GXYLT2: variants seen among roughly 807,000 people sequenced by gnomAD.
The protein encoded by GXYLT2 is glucoside xylosyltransferase 2.
GXYLT2 carries 53 observed loss-of-function variants against 45.8 expected under a neutral mutation model. That is an observed-to-expected ratio of 1.16 (90% confidence interval 0.93 to 1.46). GXYLT2 has a LOEUF of 1.46. GXYLT2 is among the 40% of genes most tolerant of loss of function. GXYLT2 has a pLI of 0.00. For synonymous variants in GXYLT2, 219 were observed against 214.2 expected, an observed-to-expected ratio of 1.02 and a Z score of -0.19; for missense variants, 551 against 544.4, an observed-to-expected ratio of 1.01 and a Z score of -0.12.
intron 4 of GXYLT2, 99 bp from the exon 5 acceptor site, chr3:72,957,127 CCCT>C (rs1304872294): frequency 8.2e-7 from 1 of 1,219,368 alleles, no homozygotes; most frequent in African/African-American, 1.5e-5. Flanking sequence ...GTATTTGTTT[CCCT>C]CCTCTGAAGG....
chr3:72,969,361 C>G (rs1364764441), intron 6 of GXYLT2, among the ~76,000 whole-genome samples: 2 of 150,500 alleles, frequency 1.3e-5, no homozygotes, highest in African/African-American at 4.9e-5. Context: ...CCACTTCACT[C>G]CAGCTTGGGC....
At chr3:72,890,006 G>A (rs1211207806) in intron 1 of GXYLT2, among the ~76,000 whole-genome samples, 1 of 150,838 alleles carries the variant, frequency 6.6e-6, no homozygotes, top group Non-Finnish European at 1.5e-5. Context: ...CCCGGGTTCA[G>A]GCCTCCCAGA....
chr3:72,924,941 A>G (rs1278211892), intron 3 of GXYLT2, among the ~76,000 whole-genome samples: 2 of 151,972 alleles, frequency 1.3e-5, no homozygotes, highest in African/African-American at 4.8e-5. Context: ...GGGTCAAATG[A>G]GTTTAATTTG....
intron 1 of GXYLT2, among the ~76,000 whole-genome samples, chr3:72,889,747 A>G (rs1329367398): frequency 1.3e-5 from 2 of 152,308 alleles, no homozygotes; most frequent in Middle Eastern, 3.4e-3. Flanking sequence ...AACTGGTAAG[A>G]TAATAATAAC....
chr3:72,905,124 C>T (rs1383534221), intron 1 of GXYLT2, among the ~76,000 whole-genome samples: 1 of 149,334 alleles, frequency 6.7e-6, no homozygotes, highest in Non-Finnish European at 1.5e-5. Context: ...CACTGTCCTG[C>T]ATTTGTTTTC....
intron 2 of GXYLT2, among the ~76,000 whole-genome samples, chr3:72,921,181 A>AT (rs1709827882): frequency 1.3e-5 from 2 of 149,442 alleles, no homozygotes; most frequent in African/African-American, 4.9e-5. Flanking sequence ...TGAAGAAATA[A>AT]AAAAAAAAAA....
intron 3 of GXYLT2, among the ~76,000 whole-genome samples, chr3:72,944,529 A>G (rs1710367242): frequency 6.6e-6 from 1 of 152,122 alleles, no homozygotes. Context: ...TGCTGGGAGT[A>G]CACCGCACCC....
intron 1 of GXYLT2, among the ~76,000 whole-genome samples, chr3:72,898,699 G>T (rs775074437): frequency 6.6e-6 from 1 of 152,032 alleles, no homozygotes; most frequent in Non-Finnish European, 1.5e-5. Flanking sequence ...CTTGCGTAGG[G>T]GCTTCATCTG....
At chr3:72,917,852 A>G (rs1480042262) in intron 2 of GXYLT2, among the ~76,000 whole-genome samples, 1 of 152,120 alleles carries the variant, frequency 6.6e-6, no homozygotes, top group Non-Finnish European at 1.5e-5. Flanking sequence ...AAAAAAACCC[A>G]TTACACTAAT....
At position 72,941,618 on chromosome 3, in the gene GXYLT2, C is replaced by T. The variant is rs142691718; in HGVS notation, c.601-13480C>T. On this transcript the variant is annotated intron_variant, in intron 3 of 6. Coordinates refer to ENST00000389617, the MANE Select transcript of GXYLT2 (RefSeq NM_001080393.2). ...CCTAGTAATCTAAGCTCAGAATTCT[C>T]TTTGCCTTTAACAAATTATTTCTCA... is the stretch of plus-strand genomic sequence containing the variant. Among the ~76,000 whole-genome samples, 158 of 152,234 alleles carry T rather than the reference C, an allele frequency of 1.0e-3. 2 individuals carry two copies. The highest frequency in any genetic ancestry group is 3.7e-3 in the African/African-American group (154 of 41,544).
intron 2 of GXYLT2, among the ~76,000 whole-genome samples, chr3:72,910,697 C>A (rs114193697): frequency 6.6e-6 from 1 of 152,170 alleles, no homozygotes; most frequent in Non-Finnish European, 1.5e-5. Context: ...ATCTGTAGTT[C>A]GTGGGATGCC....
chr3:72,919,849 T>C (rs947915010), intron 2 of GXYLT2, among the ~76,000 whole-genome samples: 5 of 152,216 alleles, frequency 3.3e-5, no homozygotes, highest in Non-Finnish European at 7.3e-5. Context: ...TTCTGTATAC[T>C]GTAATGATAG....
At chr3:72,972,548 G>A (rs1711006818) in intron 6 of GXYLT2, among the ~76,000 whole-genome samples, 1 of 150,598 alleles carries the variant, frequency 6.6e-6, no homozygotes, top group African/African-American at 2.5e-5. Context: ...GGCTGAGGCA[G>A]GAGAATTTCT....
At chr3:72,935,696 G>A (rs1329674338) in intron 3 of GXYLT2, among the ~76,000 whole-genome samples, 2 of 152,132 alleles carry the variant, frequency 1.3e-5, no homozygotes, top group East Asian at 1.9e-4. Flanking sequence ...CCAAAATATT[G>A]GAGCAATACC....
At chr3:72,937,793 C>T (rs200802963) in intron 3 of GXYLT2, among the ~76,000 whole-genome samples, 2 of 152,306 alleles carry the variant, frequency 1.3e-5, no homozygotes, top group African/African-American at 4.8e-5. Flanking sequence ...AGAAATAGAA[C>T]ATATGTCTTT....
rs1399184235 is a variant in GXYLT2, at chr3:72,896,234, G to A, written c.275+7726G>A. 5.3e-5 allele frequency among the ~76,000 whole-genome samples: 8 copies of A among 152,282 alleles called. No homozygotes were observed. In the East Asian group the frequency reaches 1.2e-3, roughly 22 times the overall value. ...ACAATGCAGGTAAAGTGCTGACACCGAACATGCCACACCAGAAACTCCCAG... is the reference window on the plus strand; with the variant it reads ...ACAATGCAGGTAAAGTGCTGACACCAAACATGCCACACCAGAAACTCCCAG... On this transcript the variant is annotated intron_variant, in intron 1 of 6. Coordinates refer to ENST00000389617, the MANE Select transcript of GXYLT2 (RefSeq NM_001080393.2).
In GXYLT2 at chr3:72,888,374, C is replaced by CG; in HGVS notation, c.142dup (p.Ala48GlyfsTer88). ...CCGCGTCCGCCCCGCAGCGCCACCCCGCGCCTGTCCCCGCGCGCTGGCCGG... is the reference window on the plus strand; with the variant it reads ...CCGCGTCCGCCCCGCAGCGCCACCCCGGCGCCTGTCCCCGCGCGCTGGCCGG... On this transcript the variant is annotated frameshift_variant, in exon 1 of 7. Coordinates refer to ENST00000389617, the MANE Select transcript of GXYLT2 (RefSeq NM_001080393.2). LOFTEE classifies it high-confidence loss of function. The CG allele has an allele frequency of 1.0e-6, 1 of 984,754 alleles. No individual in the cohort carries two copies. Among genetic ancestry groups the CG allele is most frequent in the South Asian group, 4.6e-5 (1 of 21,942 alleles). 61.0% of individuals were successfully genotyped at this position (984,754 alleles called of 1,614,324 possible).
chr3:72,936,164 G>A (rs751173266), intron 3 of GXYLT2, among the ~76,000 whole-genome samples: 8 of 152,040 alleles, frequency 5.3e-5, no homozygotes, highest in East Asian at 3.9e-4. Context: ...GGTGGCACGC[G>A]CCTGTAGTCC....
At chr3:72,890,767 A>C (rs1709167786) in intron 1 of GXYLT2, among the ~76,000 whole-genome samples, 1 of 152,200 alleles carries the variant, frequency 6.6e-6, no homozygotes, top group Non-Finnish European at 1.5e-5. Context: ...TTAGGGAAGG[A>C]GTGTTTCTAT....
Sources: allele counts gnomAD v4.1 joint callset (sites outside exome capture counted in the v4.1 genomes callset), GRCh38; gene constraint gnomAD v4.1.1; transcripts MANE v1.5; gene names NCBI Gene and HGNC (gene_info 2026-07-23, HGNC 2026-07-21).